The following SEMA3A variants were observed in gnomAD, a reference collection of about 807,000 sequenced individuals.
SEMA3A encodes semaphorin-3A.
Under a neutral mutation model 97.9 loss-of-function variants are expected in SEMA3A, and 29 were observed. The observed-to-expected ratio is 0.30, with a 90% CI of 0.22 to 0.40. SEMA3A has a LOEUF of 0.40. Ranked by LOEUF, SEMA3A falls within the 10% of genes least tolerant of loss-of-function variation. SEMA3A has a pLI of 1.00. For synonymous variants in SEMA3A, 321 were observed against 323.7 expected (o/e 0.99, Z 0.09); for missense variants, 763 against 951.3 (o/e 0.80, Z 2.60).
At chr7:84,252,843 T>C (rs1799639464) in intron 3 of SEMA3A, among the ~76,000 whole-genome samples, 1 of 152,168 alleles carries the variant, frequency 6.6e-6, no homozygotes, top group Admixed American at 6.5e-5. Flanking sequence ...TTTGTGGATG[T>C]ATACTTTTGT....
chr7:84,330,562 A>G lies in SEMA3A; in HGVS notation c.-168-23270T>C, dbSNP rs141672736. On this transcript the variant is annotated intron_variant, in intron 2 of 3. Coordinates refer to the SEMA3A transcript ENST00000424555. ...ACATAAAGTAGGAAGGCACATGTAC[A>G]TTTTCATCTCTTATCACTGGAAGGG... 1.6e-3 allele frequency among the ~76,000 whole-genome samples: 244 copies of G among 152,110 alleles called. 2 individuals carry two copies. The highest frequency in any genetic ancestry group is 5.5e-3 in the African/African-American group (229 of 41,544).
intron 1 of SEMA3A, among the ~76,000 whole-genome samples, chr7:84,484,377 T>C (rs1386255123): frequency 6.6e-6 from 1 of 152,128 alleles, no homozygotes; most frequent in Non-Finnish European, 1.5e-5. Flanking sequence ...TTGGTGCATA[T>C]AAAAATTTGT....
intron 1 of SEMA3A, among the ~76,000 whole-genome samples, chr7:84,176,189 T>C (rs1797560415): frequency 6.6e-6 from 1 of 152,184 alleles, no homozygotes; most frequent in African/African-American, 2.4e-5. Context: ...ACAGAAATCA[T>C]GGTACAAAAT....
At chr7:84,370,855 T>C (rs1802956033) in intron 2 of SEMA3A, among the ~76,000 whole-genome samples, 1 of 151,524 alleles carries the variant, frequency 6.6e-6, no homozygotes, top group East Asian at 1.9e-4. Flanking sequence ...GAAAAAAAGA[T>C]TCTCAGTTCC....
At chr7:84,373,375 A>G (rs1319489916) in intron 1 of SEMA3A, among the ~76,000 whole-genome samples, 1 of 152,218 alleles carries the variant, frequency 6.6e-6, no homozygotes, top group African/African-American at 2.4e-5. Context: ...TTACATGGAC[A>G]TATTTTCAAC....
At chr7:84,329,230 T>G (rs1294661325) in intron 2 of SEMA3A, among the ~76,000 whole-genome samples, 1 of 152,010 alleles carries the variant, frequency 6.6e-6, no homozygotes, top group Non-Finnish European at 1.5e-5. Context: ...ACATTGAGTG[T>G]TCAAGACATT....
intron 1 of SEMA3A, among the ~76,000 whole-genome samples, chr7:84,148,463 C>T (rs544262156): frequency 1.2e-4 from 18 of 152,174 alleles, no homozygotes; most frequent in South Asian, 4.2e-4. Flanking sequence ...CAACGTAGTC[C>T]GGGTACATTG....
At chr7:84,013,736 A>G (rs1292904931) in intron 7 of SEMA3A, among the ~76,000 whole-genome samples, 1 of 152,244 alleles carries the variant, frequency 6.6e-6, no homozygotes, top group Non-Finnish European at 1.5e-5. Context: ...AATCCCAGCT[A>G]CTTGGGAGGC....
chr7:84,311,191 T>A (rs1562897424), intron 2 of SEMA3A, among the ~76,000 whole-genome samples: 1 of 151,988 alleles, frequency 6.6e-6, no homozygotes, highest in African/African-American at 2.4e-5. Flanking sequence ...CAAAATTAAA[T>A]TAGACATACA....
intron 15 of SEMA3A, among the ~76,000 whole-genome samples, chr7:83,970,326 T>C (rs1170961002): frequency 1.3e-5 from 2 of 152,204 alleles, no homozygotes; most frequent in South Asian, 2.1e-4. Flanking sequence ...AATTGCTTCC[T>C]TTTGTAACAA....
At chr7:84,022,779 G>T (rs939083811) in intron 6 of SEMA3A, among the ~76,000 whole-genome samples, 1 of 152,158 alleles carries the variant, frequency 6.6e-6, no homozygotes, top group Non-Finnish European at 1.5e-5. Context: ...AATTGAGAAG[G>T]ATTCTTGCAT....
chr7:84,469,469 C>T (rs1292686792), intron 1 of SEMA3A, among the ~76,000 whole-genome samples: 1 of 152,084 alleles, frequency 6.6e-6, no homozygotes, highest in Non-Finnish European at 1.5e-5. Context: ...CAGCTGCTTT[C>T]ACTTGGATTT....
At chr7:84,211,777 G>A (rs1798633976) in intron 3 of SEMA3A, among the ~76,000 whole-genome samples, 1 of 152,160 alleles carries the variant, frequency 6.6e-6, no homozygotes, top group Admixed American at 6.5e-5. Flanking sequence ...TAACAAGTTT[G>A]TATTTTAGGT....
chr7:84,381,168 T>C (rs1033514308), intron 1 of SEMA3A, among the ~76,000 whole-genome samples: 3 of 152,188 alleles, frequency 2.0e-5, no homozygotes, highest in African/African-American at 7.2e-5. Context: ...TATATTAAGC[T>C]AAACTCTACT....
Position 84,208,484 on chromosome 7 carries a change from C to A in SEMA3A, c.-82-13816G>T, listed in dbSNP as rs75877667. ...GAACGGAAAGACAAATGAATACATT[C>A]TCTGCCATCAAAAATTTGCAATTAA... On this transcript the variant is annotated intron_variant, in intron 3 of 3. Transcript: ENST00000424555. 3.2e-3 allele frequency among the ~76,000 whole-genome samples: 494 copies of A among 152,208 alleles called. 15 individuals are homozygous for A. In the East Asian group the frequency reaches 0.079, roughly 24 times the overall value.
chr7:84,474,981 T>C (rs952050892), intron 1 of SEMA3A, among the ~76,000 whole-genome samples: 2 of 151,322 alleles, frequency 1.3e-5, no homozygotes, highest in Non-Finnish European at 2.9e-5. Flanking sequence ...GAGAAGGAAA[T>C]AGGATGAAGA....
At chr7:84,376,031 T>G (rs1299019749) in intron 1 of SEMA3A, among the ~76,000 whole-genome samples, 1 of 152,218 alleles carries the variant, frequency 6.6e-6, no homozygotes, top group East Asian at 1.9e-4. Context: ...ATTTCATTCT[T>G]TTTATGGCTG....
intron 1 of SEMA3A, among the ~76,000 whole-genome samples, chr7:84,183,312 CAGTAGCTATG>C (rs1797784685): frequency 6.6e-6 from 1 of 151,898 alleles, no homozygotes; most frequent in Non-Finnish European, 1.5e-5. Flanking sequence ...ATTTTTTTTT[CAGTAGCTATG>C]AGTAGCTATG....
At chr7:84,122,681 A>G (rs1273226800) in intron 3 of SEMA3A, among the ~76,000 whole-genome samples, 1 of 152,210 alleles carries the variant, frequency 6.6e-6, no homozygotes, top group Non-Finnish European at 1.5e-5. Context: ...GACCTTTGAA[A>G]AAGTAATGAA....
Sources: allele counts gnomAD v4.1 joint callset (sites outside exome capture counted in the v4.1 genomes callset), GRCh38; gene constraint gnomAD v4.1.1; transcripts MANE v1.5; gene names NCBI Gene and HGNC (gene_info 2026-07-23, HGNC 2026-07-21).